The following LDHAL6A variants were observed in gnomAD, a reference collection of about 807,000 sequenced individuals.
LDHAL6A encodes lactate dehydrogenase A like 6A.
Under a neutral mutation model 28.2 loss-of-function variants are expected in LDHAL6A, and 19 were observed. The ratio of observed to expected loss-of-function variants is 0.67; its 90% CI spans 0.47 to 0.99. The LOEUF (loss-of-function observed/expected upper bound fraction) is 0.99, where lower values mean the gene tolerates loss of function less well. Ranked by LOEUF, LDHAL6A falls within the 50% of genes least tolerant of loss-of-function variation. The pLI is 0.00. For synonymous variants in LDHAL6A, 144 were observed against 134.4 expected, an observed-to-expected ratio of 1.07 and a Z score of -0.49; for missense variants, 372 against 398.6, an observed-to-expected ratio of 0.93 and a Z score of 0.57.
intron 4 of LDHAL6A, 40 bp from the exon 5 acceptor site, chr11:18,476,344 T>C (rs367577493): frequency 1.3e-6 from 2 of 1,598,846 alleles, no homozygotes; most frequent in Non-Finnish European, 8.5e-7. Context: ...ACCCTGCTAA[T>C]ACCATGTAAG....
At chr11:18,467,996 T>C (rs1849148034) in intron 3 of LDHAL6A, among the ~76,000 whole-genome samples, 4 of 56,448 alleles carry the variant, frequency 7.1e-5, no homozygotes, top group African/African-American at 1.3e-4. Context: ...TATATGCATA[T>C]ATATACGTAT....
chr11:18,470,271 T>TGAGAGCAATCTGGGTA (rs1417289832), intron 3 of LDHAL6A, among the ~76,000 whole-genome samples: 5 of 152,218 alleles, frequency 3.3e-5, no homozygotes, highest in African/African-American at 9.6e-5. Context: ...AAGGCAATTC[T>TGAGAGCAATCTGGGTA]GAGAGCAATC....
chr11:18,476,004 A>G (rs1208576330), intron 4 of LDHAL6A, among the ~76,000 whole-genome samples: 1 of 2,492 alleles, frequency 4.0e-4, no homozygotes, highest in Admixed American at 0.015. Context: ...ATAACTGAAG[A>G]TATAAGAAGG....
At chr11:18,462,577 C>T (rs1347885388) in intron 1 of LDHAL6A, among the ~76,000 whole-genome samples, 1 of 147,148 alleles carries the variant, frequency 6.8e-6, no homozygotes, top group Non-Finnish European at 1.5e-5. Context: ...GCGGAGCTTG[C>T]AGTGAGCCGA....
At chr11:18,470,902 G>C (rs1482907453) in intron 3 of LDHAL6A, among the ~76,000 whole-genome samples, 3 of 151,990 alleles carry the variant, frequency 2.0e-5, no homozygotes, top group Admixed American at 6.6e-5. Flanking sequence ...GGCCAGTCTG[G>C]TCTCAAACTC....
chr11:18,475,366 C>T, intron 3 of LDHAL6A, 100 bp from the exon 4 acceptor site: 2 of 926,606 alleles, frequency 2.2e-6, no homozygotes, highest in Non-Finnish European at 1.7e-6. Context: ...TTCTTGCCTC[C>T]TCCACAAAAC....
intron 2 of LDHAL6A, among the ~76,000 whole-genome samples, chr11:18,464,987 G>GTTTTTTTTT (rs1449560278): frequency 1.9e-5 from 2 of 104,352 alleles, no homozygotes; most frequent in Admixed American, 2.0e-4. Flanking sequence ...GTTTTTTTTT[G>GTTTTTTTTT]TTTTGTTTTG....
Position 18,475,557 on chromosome 11 carries a change from TCGTTA to T in LDHAL6A, c.512_516del (p.Arg171LeufsTer11), listed in dbSNP as rs1208230585. On this transcript the variant is annotated frameshift_variant, in exon 4 of 7. Transcript: ENST00000280706. LOFTEE classifies it high-confidence loss of function. ...GTTGTAATCTGGACTCTGCTCGTTT[TCGTTA>T]CTTTATTGGGCAAAGGCTTGGCATC... is the stretch of plus-strand genomic sequence containing the variant. 8 of 1,614,082 alleles carry T rather than the reference TCGTTA, an allele frequency of 5.0e-6. No homozygotes were observed. The highest frequency in any genetic ancestry group is 6.8e-6 in the Non-Finnish European group (8 of 1,180,038).
intron 3 of LDHAL6A, among the ~76,000 whole-genome samples, chr11:18,473,349 G>T (rs912787291): frequency 6.6e-6 from 1 of 152,118 alleles, no homozygotes; most frequent in African/African-American, 2.4e-5. Flanking sequence ...AAGGACTTTG[G>T]TCTGTTTATA....
chr11:18,478,597 G>GC (rs1181268901), intron 6 of LDHAL6A, 109 bp from the exon 7 acceptor site: 1 of 855,708 alleles, frequency 1.2e-6, no homozygotes. Flanking sequence ...TTGGTACTCT[G>GC]CCATAGTTCG....
intron 3 of LDHAL6A, among the ~76,000 whole-genome samples, chr11:18,468,098 A>G (rs1590254977): frequency 7.1e-6 from 1 of 139,926 alleles, no homozygotes; most frequent in African/African-American, 2.7e-5. Flanking sequence ...CTGGATCTTT[A>G]GCATTTCCAT....
chr11:18,478,559 C>CAAA, intron 6 of LDHAL6A, 147 bp from the exon 7 acceptor site: 2 of 522,166 alleles, frequency 3.8e-6, no homozygotes, highest in Non-Finnish European at 3.2e-6. Context: ...GAGTCCGTCT[C>CAAA]AAAAAAAAAA....
intron 2 of LDHAL6A, among the ~76,000 whole-genome samples, chr11:18,464,593 T>G (rs1172283483): frequency 1.3e-5 from 2 of 151,962 alleles, no homozygotes; most frequent in Non-Finnish European, 2.9e-5. Flanking sequence ...TGCATGCCTG[T>G]AACCCCAGCT....
At position 18,475,519 on chromosome 11, in the gene LDHAL6A, G is replaced by GT. The variant is rs769263142; in HGVS notation, c.474dup (p.Ile159TyrfsTer6). On this transcript the variant is annotated frameshift_variant, in exon 4 of 7. Coordinates refer to ENST00000280706, the MANE Select transcript of LDHAL6A (RefSeq NM_144972.5). LOFTEE classifies it high-confidence loss of function. Reference sequence around the variant, plus strand: ...GTTGAGTGGATTTCCCAAAAACCGTGTTATTGGAAGTGGTTGTAATCTGGA... The same window carrying GT: ...GTTGAGTGGATTTCCCAAAAACCGTGTTTATTGGAAGTGGTTGTAATCTGGA... 1.2e-6 allele frequency: 2 copies of GT among 1,614,070 alleles called. No homozygotes were observed. Among genetic ancestry groups the GT allele is most frequent in the Admixed American group, 3.3e-5 (2 of 60,014 alleles).
At chr11:18,460,341 C>T (rs1045367119) in intron 1 of LDHAL6A, among the ~76,000 whole-genome samples, 11 of 151,964 alleles carry the variant, frequency 7.2e-5, no homozygotes, top group Non-Finnish European at 1.5e-4. Context: ...CCTGTAATCC[C>T]AGCACTTTGG....
rs1338236320 is a variant in LDHAL6A, at chr11:18,464,988, TTTTGTTTTG to T, written c.245-645_245-637del. Among the ~76,000 whole-genome samples, 12 of 115,888 alleles carry T rather than the reference TTTTGTTTTG, an allele frequency of 1.0e-4. 1 individual carries two copies. In the East Asian group the frequency reaches 1.3e-3, roughly 12 times the overall value. The allele number at this position is 115,888 out of a possible 152,430, so 76.0% of individuals were successfully genotyped here. On this transcript the variant is annotated intron_variant, in intron 2 of 6. Coordinates refer to ENST00000280706, the MANE Select transcript of LDHAL6A (RefSeq NM_144972.5). ...GAGGTGTTTTTTTTGTTTTTTTTTG[TTTTGTTTTG>T]TTTTGGTTTGTTTTTGAGACAGTGT...
rs200836175 is a variant in LDHAL6A, at chr11:18,478,759, A to G, written c.888A>G (p.Gly296=). ...DIFLSVPCIL[G]ENGITDLIKV... ...TCCTTAGTGTCCCATGTATCCTGGGAGAGAATGGTATCACAGACCTCATAA... is the reference window on the plus strand; with the variant it reads ...TCCTTAGTGTCCCATGTATCCTGGGGGAGAATGGTATCACAGACCTCATAA... Residue 296 remains glycine, a synonymous_variant, in exon 7 of 7, where the codon GGA becomes GGG. Coordinates refer to ENST00000280706, the MANE Select transcript of LDHAL6A (RefSeq NM_144972.5). 3.2e-5 allele frequency: 51 copies of G among 1,613,092 alleles called. No individual in the cohort carries two copies. Among genetic ancestry groups the G allele is most frequent in the Non-Finnish European group, 4.0e-5 (47 of 1,179,258 alleles).
At chr11:18,478,633 A>G in intron 6 of LDHAL6A, 73 bp from the exon 7 acceptor site, 2 of 1,184,202 alleles carry the variant, frequency 1.7e-6, no homozygotes, top group Non-Finnish European at 1.2e-6. Flanking sequence ...TTATTCATTC[A>G]CCTCCCAACT....
intron 2 of LDHAL6A, among the ~76,000 whole-genome samples, chr11:18,464,821 ATAAT>A (rs1849005762): frequency 6.6e-6 from 1 of 152,012 alleles, no homozygotes; most frequent in Non-Finnish European, 1.5e-5. Flanking sequence ...CACCTGGGAG[ATAAT>A]TATTTGAACA....
Sources: allele counts gnomAD v4.1 joint callset (sites outside exome capture counted in the v4.1 genomes callset), GRCh38; gene constraint gnomAD v4.1.1; transcripts MANE v1.5; gene names NCBI Gene and HGNC (gene_info 2026-07-23, HGNC 2026-07-21).